Variants in ENPP6 observed in about 807,000 individuals in gnomAD.
ENPP6 encodes glycerophosphocholine cholinephosphodiesterase ENPP6.
In ENPP6, 32 loss-of-function variants were observed where a neutral mutation model predicts 42.0. That is an observed-to-expected ratio of 0.76 (90% confidence interval 0.58 to 1.02). ENPP6 has a LOEUF of 1.02. Among genes scored for constraint, ENPP6 ranks in the 50% least tolerant of loss-of-function variants. The pLI, the probability that ENPP6 is intolerant of heterozygous loss-of-function variation, is 0.00. For missense variants in ENPP6, 552 were observed against 566.8 expected (o/e 0.97, Z 0.27); for synonymous variants, 213 against 216.0 (o/e 0.99, Z 0.12).
At chr4:184,117,185 A>G (rs1736334883) in intron 4 of ENPP6, 150 bp from the exon 5 acceptor site, 1 of 924,432 alleles carries the variant, frequency 1.1e-6, no homozygotes. Flanking sequence ...GACCCAGTTC[A>G]AAACCACAAC....
intron 1 of ENPP6, among the ~76,000 whole-genome samples, chr4:184,211,005 T>C (rs1327588974): frequency 6.7e-5 from 10 of 149,564 alleles, no homozygotes; most frequent in Non-Finnish European, 1.2e-4. Context: ...CATAACGAAA[T>C]GAAGGCAGAA....
intron 1 of ENPP6, among the ~76,000 whole-genome samples, chr4:184,204,872 G>A (rs117866961): frequency 6.6e-6 from 1 of 152,316 alleles, no homozygotes; most frequent in East Asian, 1.9e-4. Flanking sequence ...ACATCAAAGT[G>A]ATCATTCATT....
At chr4:184,158,674 T>G (rs1737212320) in intron 1 of ENPP6, among the ~76,000 whole-genome samples, 1 of 152,234 alleles carries the variant, frequency 6.6e-6, no homozygotes, top group South Asian at 2.1e-4. Context: ...TTTCTATGCC[T>G]TAGGGAATTG....
intron 5 of ENPP6, among the ~76,000 whole-genome samples, chr4:184,114,714 T>G (rs912566701): frequency 6.7e-5 from 10 of 150,368 alleles, no homozygotes; most frequent in Non-Finnish European, 2.9e-5. Flanking sequence ...GCCCAAGTTC[T>G]GGAGACAGCA....
chr4:184,094,707 G>A (rs1403177971), intron 7 of ENPP6, among the ~76,000 whole-genome samples: 1 of 152,266 alleles, frequency 6.6e-6, no homozygotes, highest in Non-Finnish European at 1.5e-5. Flanking sequence ...GGCTTACACT[G>A]TGGCTGGCCA....
chr4:184,096,824 C>T (rs952812185), intron 7 of ENPP6, among the ~76,000 whole-genome samples: 6 of 151,908 alleles, frequency 3.9e-5, no homozygotes, highest in African/African-American at 9.7e-5. Flanking sequence ...GGTGGGTGCT[C>T]GAGACGGGAA....
At chr4:184,183,491 A>C (rs911010448) in intron 1 of ENPP6, among the ~76,000 whole-genome samples, 1 of 123,014 alleles carries the variant, frequency 8.1e-6, no homozygotes, top group Non-Finnish European at 1.7e-5. Flanking sequence ...ACACATGCAC[A>C]TGCATGTATA....
chr4:184,208,891 G>A lies in ENPP6; in HGVS notation c.241+8688C>T, dbSNP rs535166349. 9.3e-4 allele frequency among the ~76,000 whole-genome samples: 133 copies of A among 143,756 alleles called. 3 individuals are homozygous for A. In the Middle Eastern group the frequency reaches 0.011, roughly 11 times the overall value. The allele number at this position is 143,756 out of a possible 152,430, so 94.3% of individuals were successfully genotyped here. A position where few individuals can be genotyped will look rare whatever the true frequency, so the allele number is the denominator to read the frequency against. On this transcript the variant is annotated intron_variant, in intron 1 of 7. Coordinates refer to ENST00000296741, the MANE Select transcript of ENPP6 (RefSeq NM_153343.4). ...TCCCAGCACGCAGCTGGAGATCTGA[G>A]AACGGGCAGACTGCCTCCTCAAGTG...
chr4:184,120,110 C>A (rs1736389489), intron 3 of ENPP6, among the ~76,000 whole-genome samples: 1 of 152,160 alleles, frequency 6.6e-6, no homozygotes, highest in African/African-American at 2.4e-5. Flanking sequence ...CATTTCTCTC[C>A]TCCTTCCAGG....
rs1735746125 is a variant in ENPP6 at position 184,089,435 on chromosome 4, G to C, written c.*1742C>G. On this transcript the variant is annotated 3_prime_UTR_variant, in exon 8 of 8. Coordinates refer to ENST00000296741, the MANE Select transcript of ENPP6 (RefSeq NM_153343.4). ...CTTTTCCTGACAAAAAGTCTCACTT[G>C]CAGATGTACCTCAATTAGTGCAAAC... is the stretch of plus-strand genomic sequence containing the variant. 1 of 151,608 alleles carries C rather than the reference G, an allele frequency of 6.6e-6. No individual in the cohort carries two copies. The highest frequency in any genetic ancestry group is 2.4e-5 in the African/African-American group (1 of 41,306). 9.4% of individuals were successfully genotyped at this position (151,608 alleles called of 1,614,324 possible). A position where few individuals can be genotyped will look rare whatever the true frequency, so the allele number is the denominator to read the frequency against.
chr4:184,125,923 T>C (rs1415610326), intron 2 of ENPP6, among the ~76,000 whole-genome samples: 1 of 152,200 alleles, frequency 6.6e-6, no homozygotes, highest in East Asian at 1.9e-4. Context: ...TTGTGAATTG[T>C]TATTGCTCTC....
intron 1 of ENPP6, among the ~76,000 whole-genome samples, chr4:184,156,813 C>G (rs964770198): frequency 6.6e-6 from 1 of 152,236 alleles, no homozygotes; most frequent in Non-Finnish European, 1.5e-5. Context: ...GAGTCTTACT[C>G]AAGCATGTTC....
intron 6 of ENPP6, 110 bp from the exon 7 acceptor site, chr4:184,097,478 C>CGACTGACCCA (rs1310799081): frequency 1.5e-5 from 22 of 1,501,524 alleles, no homozygotes; most frequent in African/African-American, 2.7e-5. Context: ...CTCTGCGCTC[C>CGACTGACCCA]GACTGACCCA....
intron 1 of ENPP6, among the ~76,000 whole-genome samples, chr4:184,209,564 C>T (rs1304357947): frequency 4.6e-5 from 7 of 151,362 alleles, no homozygotes; most frequent in Non-Finnish European, 8.9e-5. Context: ...TGAGCAAAGC[C>T]TCCAAGAAAT....
At chr4:184,155,408 A>T (rs138477397) in intron 1 of ENPP6, among the ~76,000 whole-genome samples, 71 of 152,350 alleles carry the variant, frequency 4.7e-4, no homozygotes, top group African/African-American at 1.6e-3. Flanking sequence ...CTTCGTGGAC[A>T]GTCTTTCCTC....
chr4:184,159,829 A>G (rs554577063), intron 1 of ENPP6, among the ~76,000 whole-genome samples: 1 of 152,180 alleles, frequency 6.6e-6, no homozygotes, highest in East Asian at 1.9e-4. Flanking sequence ...TGAGTCCCCA[A>G]AGTCCATTAC....
Position 184,182,798 on chromosome 4 carries a change from G to A in ENPP6, c.242-29065C>T, listed in dbSNP as rs140449879. Among the ~76,000 whole-genome samples, 110 of 152,328 alleles carry A rather than the reference G, an allele frequency of 7.2e-4. 1 individual carries two copies. The highest frequency in any genetic ancestry group is 6.8e-3 in the East Asian group (35 of 5,180). On this transcript the variant is annotated intron_variant, in intron 1 of 7. Transcript: ENST00000296741. Reference sequence around the variant, plus strand: ...CACATGTTCTCACTTACAAGTGGGAGCTGAACAATGACAACACATGGACAC... The same window carrying A: ...CACATGTTCTCACTTACAAGTGGGAACTGAACAATGACAACACATGGACAC...
At chr4:184,197,614 A>G (rs1732825321) in intron 1 of ENPP6, among the ~76,000 whole-genome samples, 1 of 152,180 alleles carries the variant, frequency 6.6e-6, no homozygotes, top group African/African-American at 2.4e-5. Context: ...CAATAACACA[A>G]ATGCACTAGC....
chr4:184,194,187 A>G (rs1380802560), intron 1 of ENPP6, among the ~76,000 whole-genome samples: 3 of 152,184 alleles, frequency 2.0e-5, no homozygotes, highest in Non-Finnish European at 4.4e-5. Context: ...GCGGCTGCTA[A>G]GAAGTCACCA....
Sources: allele counts gnomAD v4.1 joint callset (sites outside exome capture counted in the v4.1 genomes callset), GRCh38; gene constraint gnomAD v4.1.1; transcripts MANE v1.5; gene names NCBI Gene and HGNC (gene_info 2026-07-23, HGNC 2026-07-21).